Variants in TMEM150B observed in about 807,000 individuals in gnomAD.
The protein encoded by TMEM150B is modulator of macroautophagy TMEM150B.
TMEM150B carries 33 observed loss-of-function variants against 25.2 expected under a neutral mutation model. That is an observed-to-expected ratio of 1.31 (90% CI 0.99 to 1.75). TMEM150B has a LOEUF of 1.75. TMEM150B is among the 40% of genes most tolerant of loss of function. TMEM150B has a pLI of 0.00. For missense variants in TMEM150B, 322 were observed against 306.1 expected (o/e 1.05, Z -0.39); for synonymous variants, 133 against 134.8 (o/e 0.99, Z 0.09).
chr19:55,319,953 C>A (rs768860320), intron 6 of TMEM150B, 86 bp downstream of exon 6: 32 of 1,590,092 alleles, frequency 2.0e-5, no homozygotes, highest in Non-Finnish European at 2.6e-5. Flanking sequence ...GCCCCCGAGA[C>A]AATAAGCCTA....
downstream of TMEM150B, chr19:55,312,230 G>C: frequency 2.3e-6 from 1 of 429,932 alleles, no homozygotes. Context: ...TGCCCAACTG[G>C]GGGTGGTTCT....
chr19:55,318,763 T>C (rs1182459229), intron 6 of TMEM150B, among the ~76,000 whole-genome samples: 1 of 152,198 alleles, frequency 6.6e-6, no homozygotes, highest in African/African-American at 2.4e-5. Context: ...GGCTGCCAAA[T>C]GCTCAATCAA....
intron 7 of TMEM150B, among the ~76,000 whole-genome samples, chr19:55,315,624 G>T (rs1273432965): frequency 6.6e-6 from 1 of 152,186 alleles, no homozygotes; most frequent in Non-Finnish European, 1.5e-5. Flanking sequence ...AGTTGGGCAT[G>T]GTGGCTGGCG....
At chr19:55,322,226 G>C (rs1398922269) in intron 2 of TMEM150B, among the ~76,000 whole-genome samples, 1 of 152,044 alleles carries the variant, frequency 6.6e-6, no homozygotes, top group Non-Finnish European at 1.5e-5. Flanking sequence ...CTTAGACTCC[G>C]GAGTCCCTCC....
At chr19:55,318,424 G>T (rs1347821375) in intron 6 of TMEM150B, among the ~76,000 whole-genome samples, 1 of 151,710 alleles carries the variant, frequency 6.6e-6, no homozygotes, top group Non-Finnish European at 1.5e-5. Flanking sequence ...TTGAGGTCAG[G>T]AGTTCAAGAC....
rs2058309670 is a variant in TMEM150B at position 55,313,193 on chromosome 19, C to T, written c.506-138G>A. The T allele has an allele frequency of 8.3e-6, 7 of 840,444 alleles. No individual in the cohort carries two copies. The South Asian group carries it at 1.1e-4, about 13-fold the overall frequency. 52.1% of individuals were successfully genotyped at this position (840,444 alleles called of 1,614,324 possible). A position where few individuals can be genotyped will look rare whatever the true frequency, so the allele number is the denominator to read the frequency against. On this transcript the variant is annotated intron_variant, in intron 7 of 7. Coordinates refer to ENST00000326652, the MANE Select transcript of TMEM150B (RefSeq NM_001282011.2). The stretch of plus-strand genomic sequence containing the variant: ...TCTCCCCTTCCCCCGTAGCTCCTCA[C>T]AGACGGGGCCTCGCCTTGGTCTCCG...
chr19:55,322,450 G>A (rs181704821), intron 2 of TMEM150B, among the ~76,000 whole-genome samples, 198 bp downstream of exon 2: 2 of 152,214 alleles, frequency 1.3e-5, no homozygotes, highest in Non-Finnish European at 2.9e-5. Context: ...CGGCCTCTGG[G>A]CCCCCATTGG....
In TMEM150B at chr19:55,320,475, G is replaced by A. The variant is rs749682595; in HGVS notation, c.129-17C>T. 1 of 1,602,010 alleles carries A rather than the reference G, an allele frequency of 6.2e-7. No homozygotes were observed. The highest frequency in any genetic ancestry group is 1.7e-5 in the Admixed American group (1 of 58,392). On this transcript the variant is annotated splice_polypyrimidine_tract_variant and intron_variant, in intron 4 of 7. Coordinates refer to ENST00000326652, the MANE Select transcript of TMEM150B (RefSeq NM_001282011.2). Reference sequence around the variant, plus strand: ...CCGCAGATGCTGGGGAAGACAAAGGGGTCATCCTGGGCAATCCAAGCTAGG... The same window carrying A: ...CCGCAGATGCTGGGGAAGACAAAGGAGTCATCCTGGGCAATCCAAGCTAGG...
At chr19:55,322,904 G>T (rs1056665063) in intron 1 of TMEM150B, among the ~76,000 whole-genome samples, 161 bp from the exon 2 acceptor site, 12 of 151,964 alleles carry the variant, frequency 7.9e-5, no homozygotes, top group African/African-American at 2.9e-4. Context: ...CTCCAGCTTT[G>T]TGTATTCAAC....
At chr19:55,321,316 C>T (rs2089202247) in intron 2 of TMEM150B, among the ~76,000 whole-genome samples, 1 of 148,394 alleles carries the variant, frequency 6.7e-6, no homozygotes, top group South Asian at 2.1e-4. Context: ...CCTCCTTGCA[C>T]CTCCCAGCCT....
At chr19:55,323,797 C>T (rs2089266393) in intron 1 of TMEM150B, among the ~76,000 whole-genome samples, 3 of 144,096 alleles carry the variant, frequency 2.1e-5, no homozygotes, top group Non-Finnish European at 4.5e-5. Flanking sequence ...GACACTGCGC[C>T]CAACCTTTTT....
At position 55,320,145 on chromosome 19, in the gene TMEM150B, C is replaced by T. The variant is rs753752681; in HGVS notation, c.218G>A (p.Arg73His). The T allele has an allele frequency of 3.2e-5, 51 of 1,614,070 alleles. 1 individual carries two copies. The South Asian group carries it at 5.2e-4, about 16-fold the overall frequency. ...GCCCCAGTCCCGGAGCTGGTGGTAA[C>T]GGACAATGCAGATCCACGCGGCTGG... The part of the protein sequence containing the change: ...AALAAWICIV[R>H]YHQLRDWGVR... Residue 73 changes from arginine (R) to histidine (H), a missense_variant, in exon 6 of 8, where the codon CGT (arginine) becomes CAT (histidine). Arg to His is a conservative substitution (Grantham distance 29). Transcript: ENST00000326652.
chr19:55,310,199 C>T (rs1419674879), downstream of TMEM150B, among the ~76,000 whole-genome samples: 2 of 152,178 alleles, frequency 1.3e-5, no homozygotes, highest in Non-Finnish European at 2.9e-5. The surrounding 1 kb of genome is among the most constrained non-coding windows in gnomAD (Gnocchi z 5.0). Flanking sequence ...TCCTGGAGGT[C>T]AGAAGTCCCA....
At chr19:55,318,357 G>C (rs1248607653) in intron 6 of TMEM150B, among the ~76,000 whole-genome samples, 1 of 146,486 alleles carries the variant, frequency 6.8e-6, no homozygotes, top group South Asian at 2.2e-4. Flanking sequence ...GCAAGACTCT[G>C]TCTCAAATAA....
At chr19:55,321,291 C>T (rs1359994948) in intron 2 of TMEM150B, among the ~76,000 whole-genome samples, 198 bp from the exon 3 acceptor site, 5 of 151,446 alleles carry the variant, frequency 3.3e-5, no homozygotes, top group African/African-American at 1.2e-4. Flanking sequence ...GGAATTTCTC[C>T]CTGTCCTCCC....
At chr19:55,322,816 T>G in intron 1 of TMEM150B, 73 bp from the exon 2 acceptor site, 5 of 779,676 alleles carry the variant, frequency 6.4e-6, no homozygotes, top group Non-Finnish European at 7.8e-6. Context: ...AACGGCTCTC[T>G]GTCCCCAAAC....
intron 5 of TMEM150B, 83 bp from the exon 6 acceptor site, chr19:55,320,249 G>A (rs986204815): frequency 6.5e-7 from 1 of 1,545,074 alleles, no homozygotes; most frequent in Non-Finnish European, 8.8e-7. Flanking sequence ...GGGGAGCAAG[G>A]TGAGGGAGAA....
chr19:55,313,198 G>A (rs771268518), intron 7 of TMEM150B, 143 bp from the exon 8 acceptor site: 36 of 830,418 alleles, frequency 4.3e-5, no homozygotes, highest in Middle Eastern at 3.6e-4. Flanking sequence ...CCTCACAGAC[G>A]GGGCCTCGCC....
intron 7 of TMEM150B, 142 bp from the exon 8 acceptor site, chr19:55,313,197 C>A: frequency 1.2e-6 from 1 of 829,670 alleles, no homozygotes; most frequent in South Asian, 1.8e-5. Context: ...TCCTCACAGA[C>A]GGGGCCTCGC....
Sources: gnomAD v4.1 joint callset for allele counts (sites outside exome capture counted in the v4.1 genomes callset) on GRCh38, gnomAD v4.1.1 for gene constraint, Gnocchi (gnomAD v3.1) non-coding constraint, MANE v1.5 for transcripts, NCBI Gene and HGNC (gene_info 2026-07-23, HGNC 2026-07-21) for gene names.